The following RBM3 variants were observed in gnomAD, a reference collection of about 807,000 sequenced individuals.
RBM3 encodes RNA binding motif protein 3.
A neutral mutation model predicts 12.0 loss-of-function variants in RBM3; 3 were observed. The observed-to-expected ratio is 0.25, with a 90% CI of 0.11 to 0.65. The LOEUF (loss-of-function observed/expected upper bound fraction) is 0.65. Ranked by LOEUF, RBM3 falls within the 30% of genes least tolerant of loss-of-function variation. The pLI, the probability that RBM3 is intolerant of heterozygous loss-of-function variation, is 0.84. For missense variants in RBM3, 108 were observed against 134.5 expected, an observed-to-expected ratio of 0.80 and a Z score of 0.97; for synonymous variants, 58 against 45.7, an observed-to-expected ratio of 1.27 and a Z score of -1.08.
In RBM3 at chrX:48,577,080, C is replaced by T; in HGVS notation, c.468C>T (p.Asp156=). The T allele has an allele frequency of 8.3e-7, 1 of 1,211,514 alleles. No individual in the cohort carries two copies. The highest frequency in any genetic ancestry group is 1.1e-6 in the Non-Finnish European group (1 of 895,520). ...YSGGNYRDNY[D]N ...GAGGAAATTACAGAGACAATTATGA[C>T]AACTGAAATGAGACATGCACATAAT... The change falls in exon 6 of 7, where the codon GAC becomes GAT. Residue 156 remains aspartate, a synonymous_variant. Transcript: ENST00000376759.
At chrX:48,576,916 A>ATACG in intron 5 of RBM3, 110 bp from the exon 6 acceptor site, 1 of 952,324 alleles carries the variant, frequency 1.1e-6, no homozygotes, top group Non-Finnish European at 1.4e-6. Context: ...CCTGTTTTTG[A>ATACG]TACGTAAGGT....
intron 2 of RBM3, 92 bp downstream of exon 2, chrX:48,575,375 C>A: frequency 1.1e-6 from 1 of 907,463 alleles, no homozygotes; most frequent in Non-Finnish European, 1.6e-6. Flanking sequence ...TTAGGACCCA[C>A]GCCTCCAAAT....
In RBM3 at chrX:48,574,530, C is replaced by G; in HGVS notation, c.-57C>G. 2 of 332,403 alleles carry G rather than the reference C, an allele frequency of 6.0e-6. No homozygotes were observed. The highest frequency in any genetic ancestry group is 5.9e-6 in the Non-Finnish European group (1 of 170,338). 27.4% of individuals were successfully genotyped at this position (332,403 alleles called of 1,213,427 possible). ...CCCCGTCCCTGTTTTTTGTGCTCCTCCGAGCTCGCTGTTCGTCCGGGTTTT... is the reference window on the plus strand; with the variant it reads ...CCCCGTCCCTGTTTTTTGTGCTCCTGCGAGCTCGCTGTTCGTCCGGGTTTT... On this transcript the variant is annotated 5_prime_UTR_variant, in exon 1 of 7. Transcript: ENST00000376759.
intron 1 of RBM3, chrX:48,574,953 T>A (rs2062073471): frequency 2.2e-6 from 1 of 449,320 alleles, no homozygotes; most frequent in Non-Finnish European, 4.0e-6. Flanking sequence ...TGTGAGAGCA[T>A]GCGCAATGTG....
At chrX:48,574,898 T>C in intron 1 of RBM3, 1 of 415,890 alleles carries the variant, frequency 2.4e-6, no homozygotes, top group Admixed American at 3.0e-5. Flanking sequence ...AGGGATGTTC[T>C]GGGCTTGCGC....
Position 48,575,510 on chromosome X carries a change from C to T in RBM3, c.104-51C>T, listed in dbSNP as rs374837680. On this transcript the variant is annotated intron_variant, in intron 2 of 6. Transcript: ENST00000376759. ...TTCCGGCCACCCTTTGCTACTTAAC[C>T]TTTGGGGTACTGACTGGTCCACATT... 5.5e-6 allele frequency: 6 copies of T among 1,091,120 alleles called. No individual in the cohort carries two copies. In the Admixed American group the frequency reaches 7.6e-5, roughly 14 times the overall value. 89.9% of individuals were successfully genotyped at this position (1,091,120 alleles called of 1,213,427 possible). A position where few individuals can be genotyped will look rare whatever the true frequency, so the allele number is the denominator to read the frequency against.
chrX:48,575,470 C>T lies in RBM3; in HGVS notation c.104-91C>T, dbSNP rs6651673. On this transcript the variant is annotated intron_variant, in intron 2 of 6. Transcript: ENST00000376759. ...AGTGGGAGCGCTCCGTTTTCCCTAC[C>T]TATGCCATCTCCTTTTCCGGCCACC... is the stretch of plus-strand genomic sequence containing the variant. 0.039 allele frequency: 34,468 copies of T among 874,364 alleles called. 3,804 individuals are homozygous for T. In the African/African-American group the frequency reaches 0.43, roughly 11 times the overall value. 72.1% of individuals were successfully genotyped at this position (874,364 alleles called of 1,213,427 possible).
chrX:48,576,860 G>A (rs782814734), intron 5 of RBM3, among the ~76,000 whole-genome samples, 166 bp from the exon 6 acceptor site: 14 of 111,914 alleles, frequency 1.3e-4, no homozygotes, highest in Non-Finnish European at 1.9e-4. Context: ...CGTATAAATC[G>A]TATGCCATAA....
Position 48,575,784 on chromosome X carries a change from C to T in RBM3, c.210+117C>T, listed in dbSNP as rs1221932207. On this transcript the variant is annotated intron_variant, in intron 3 of 6. Transcript: ENST00000376759. Reference sequence around the variant, plus strand: ...TGGCCACCAAGCCCCGCAGTGCCCACTCACAGGAGCATGACTGCCTTTTGT... The same window carrying T: ...TGGCCACCAAGCCCCGCAGTGCCCATTCACAGGAGCATGACTGCCTTTTGT... 1.1e-5 allele frequency: 8 copies of T among 707,501 alleles called. No homozygotes were observed. The African/African-American group carries it at 1.5e-4, about 13-fold the overall frequency. 58.3% of individuals were successfully genotyped at this position (707,501 alleles called of 1,213,427 possible).
intron 6 of RBM3, 126 bp from the exon 7 acceptor site, chrX:48,577,339 G>T (rs1243518388): frequency 1.2e-5 from 11 of 894,678 alleles, no homozygotes; most frequent in Non-Finnish European, 1.1e-5. Context: ...CTCTTGTGTG[G>T]GATGGAGGAA....
intron 1 of RBM3, chrX:48,574,899 G>A: frequency 2.4e-6 from 1 of 412,701 alleles, no homozygotes. Context: ...GGGATGTTCT[G>A]GGCTTGCGCA....
intron 1 of RBM3, 138 bp from the exon 2 acceptor site, chrX:48,575,030 C>T: frequency 2.0e-6 from 1 of 496,227 alleles, no homozygotes; most frequent in Non-Finnish European, 3.5e-6. Flanking sequence ...CCTTTCTCAG[C>T]TTTTCTGTAG....
rs1433964226 is a variant in RBM3 at position 48,580,003 on chromosome X, C to G, written c.*2562C>G. ...TTGTTGGTCTCCTACTTTGGTTTGT[C>G]TTCAGCATCCAACTGATGCACATTT... On this transcript the variant is annotated 3_prime_UTR_variant, in exon 7 of 7. Coordinates refer to ENST00000376759, the MANE Select transcript of RBM3 (RefSeq NM_006743.5). The G allele has an allele frequency of 9.0e-6, 1 of 111,246 alleles. No individual in the cohort carries two copies. The highest frequency in any genetic ancestry group is 1.9e-5 in the Non-Finnish European group (1 of 53,094). 9.2% of individuals were successfully genotyped at this position (111,246 alleles called of 1,213,427 possible).
rs782458593 is a variant in RBM3 at position 48,577,274 on chromosome X, C to T, written c.*23+165C>T. 114 of 1,082,703 alleles carry T rather than the reference C, an allele frequency of 1.1e-4. 1 individual carries two copies. In the South Asian group the frequency reaches 2.4e-3, roughly 23 times the overall value. 89.2% of individuals were successfully genotyped at this position (1,082,703 alleles called of 1,213,427 possible). ...GCCTTCCTTGCTCTCAGGTGCATATCAGAGCAAGTTTGCTAGGGGGTGGGA... is the reference window on the plus strand; with the variant it reads ...GCCTTCCTTGCTCTCAGGTGCATATTAGAGCAAGTTTGCTAGGGGGTGGGA... On this transcript the variant is annotated intron_variant, in intron 6 of 6. Coordinates refer to ENST00000376759, the MANE Select transcript of RBM3 (RefSeq NM_006743.5).
rs1401587808 is a variant in RBM3 at position 48,579,259 on chromosome X, A to G, written c.*1818A>G. 8.9e-6 allele frequency among the ~76,000 whole-genome samples: 1 copy of G among 111,789 alleles called. No individual in the cohort carries two copies. The highest frequency in any genetic ancestry group is 3.2e-5 in the African/African-American group (1 of 30,777). On this transcript the variant is annotated 3_prime_UTR_variant, in exon 7 of 7. Coordinates refer to ENST00000376759, the MANE Select transcript of RBM3 (RefSeq NM_006743.5). ...TTGTATTCATGGCTTTCACCTGGCT[A>G]ATACTGAGCTAAGTTACCACCAGGT... is the stretch of plus-strand genomic sequence containing the variant.
intron 6 of RBM3, 142 bp downstream of exon 6, chrX:48,577,251 C>T: frequency 8.9e-7 from 1 of 1,122,905 alleles, no homozygotes; most frequent in Middle Eastern, 2.5e-4. Flanking sequence ...CTAGCTAGGC[C>T]TTCCTTGCTC....
In RBM3 at chrX:48,574,579, T is replaced by G. The variant is rs1234381917; in HGVS notation, c.-14+6T>G. 3 of 331,967 alleles carry G rather than the reference T, an allele frequency of 9.0e-6. No homozygotes were observed. The highest frequency in any genetic ancestry group is 7.8e-5 in the South Asian group (3 of 38,588). 27.4% of individuals were successfully genotyped at this position (331,967 alleles called of 1,213,427 possible). A position where few individuals can be genotyped will look rare whatever the true frequency, so the allele number is the denominator to read the frequency against. ...TTTTACGTTTTAATTTCCAGGTAAG[T>G]TGCATATGTCCTGCGAAACGGCGGC... On this transcript the variant is annotated splice_donor_region_variant and intron_variant, in intron 1 of 6. Transcript: ENST00000376759.
Position 48,579,161 on chromosome X carries a change from C to T in RBM3, c.*1720C>T, listed in dbSNP as rs1424425285. On this transcript the variant is annotated 3_prime_UTR_variant, in exon 7 of 7. Coordinates refer to ENST00000376759, the MANE Select transcript of RBM3 (RefSeq NM_006743.5). ...AGTTCTGCTCCCTTTAGTCATGGTT[C>T]TTTCTAGTGGCTGTATTGAGGCCCC... 2 of 111,145 alleles carry T rather than the reference C, an allele frequency of 1.8e-5. No homozygotes were observed. Among genetic ancestry groups the T allele is most frequent in the Non-Finnish European group, 3.8e-5 (2 of 53,036 alleles). The allele number at this position is 111,145 out of a possible 1,213,427, so 9.2% of individuals were successfully genotyped here.
chrX:48,576,281 C>T (rs1556989191), intron 3 of RBM3, 33 bp from the exon 4 acceptor site: 2 of 1,194,458 alleles, frequency 1.7e-6, no homozygotes, highest in African/African-American at 1.7e-5. Context: ...TGACTGACTG[C>T]CAACCCATCA....
Sources: gnomAD v4.1 joint callset for allele counts (sites outside exome capture counted in the v4.1 genomes callset) on GRCh38, gnomAD v4.1.1 for gene constraint, MANE v1.5 for transcripts, NCBI Gene and HGNC (gene_info 2026-07-23, HGNC 2026-07-21) for gene names.